CCSER1: variants seen among roughly 807,000 people sequenced by gnomAD.
The protein encoded by CCSER1 is serine-rich coiled-coil domain-containing protein 1.
A neutral mutation model predicts 82.0 loss-of-function variants in CCSER1; 41 were observed. That is an observed-to-expected ratio of 0.50 (90% confidence interval 0.39 to 0.65). The LOEUF (loss-of-function observed/expected upper bound fraction) is 0.65. CCSER1 is among the 30% of genes least tolerant of loss of function. CCSER1 has a pLI of 0.00. For missense variants in CCSER1, 1,119 were observed against 1,064.2 expected (o/e 1.05, Z -0.72); for synonymous variants, 414 against 383.9 (o/e 1.08, Z -0.92).
At chr4:91,413,810 C>T (rs751644152) in intron 10 of CCSER1, among the ~76,000 whole-genome samples, 1 of 151,966 alleles carries the variant, frequency 6.6e-6, no homozygotes, top group African/African-American at 2.4e-5. Context: ...AGACTTGTCA[C>T]ATAAAAGGGA....
At chr4:90,545,040 A>G (rs1357765009) in intron 5 of CCSER1, among the ~76,000 whole-genome samples, 1 of 151,462 alleles carries the variant, frequency 6.6e-6, no homozygotes, top group East Asian at 1.9e-4. Context: ...AAGCCTGCCA[A>G]CAATTAGCTA....
chr4:91,103,486 A>G (rs1019303678), intron 10 of CCSER1, among the ~76,000 whole-genome samples: 2 of 152,176 alleles, frequency 1.3e-5, no homozygotes, highest in African/African-American at 4.8e-5. Context: ...TATATAAACA[A>G]TTGTCTCAAT....
intron 1 of CCSER1, among the ~76,000 whole-genome samples, chr4:90,279,433 C>T (rs1728498910): frequency 6.6e-6 from 1 of 151,810 alleles, no homozygotes. Context: ...AAGAGGTAGC[C>T]ACATAGAAAT....
At chr4:90,652,978 T>C (rs903227391) in intron 6 of CCSER1, among the ~76,000 whole-genome samples, 20 of 152,182 alleles carry the variant, frequency 1.3e-4, no homozygotes, top group Non-Finnish European at 2.9e-5. Context: ...TATTAATTAA[T>C]ATGCCTCATG....
chr4:91,272,915 T>G (rs1469358019), intron 10 of CCSER1, among the ~76,000 whole-genome samples: 2 of 152,086 alleles, frequency 1.3e-5, no homozygotes, highest in African/African-American at 4.8e-5. Context: ...AAGTATTTGG[T>G]TTTATTTCTG....
At chr4:90,408,263 T>A (rs1754070036) in intron 4 of CCSER1, among the ~76,000 whole-genome samples, 1 of 152,200 alleles carries the variant, frequency 6.6e-6, no homozygotes, top group Non-Finnish European at 1.5e-5. Flanking sequence ...AATGTCCTTG[T>A]CTGACAGCTT....
intron 10 of CCSER1, among the ~76,000 whole-genome samples, chr4:91,420,524 A>T (rs1310316017): frequency 6.6e-6 from 1 of 152,070 alleles, no homozygotes; most frequent in Non-Finnish European, 1.5e-5. Flanking sequence ...GGCTTTTGTT[A>T]AAAAAACAGG....
chr4:90,415,422 C>T (rs1167163565), intron 4 of CCSER1, among the ~76,000 whole-genome samples: 1 of 152,018 alleles, frequency 6.6e-6, no homozygotes, highest in Non-Finnish European at 1.5e-5. Context: ...CTTTGTATTC[C>T]TCAAATAATT....
intron 1 of CCSER1, among the ~76,000 whole-genome samples, chr4:90,267,333 A>G (rs898979262): frequency 6.6e-6 from 1 of 152,072 alleles, no homozygotes; most frequent in Non-Finnish European, 1.5e-5. Context: ...AGTAGAACAG[A>G]GAACTAGGTA....
chr4:90,649,387 A>G (rs963570588), intron 6 of CCSER1: 3 of 152,204 alleles, frequency 2.0e-5, no homozygotes, highest in Non-Finnish European at 2.9e-5. Context: ...CTAACCTTCA[A>G]TGTGACTATG....
intron 5 of CCSER1, among the ~76,000 whole-genome samples, chr4:90,500,116 G>A (rs559332051): frequency 2.0e-4 from 30 of 151,926 alleles, no homozygotes; most frequent in Admixed American, 7.9e-4. Flanking sequence ...CGTTTGAAGG[G>A]CATATTATTC....
chr4:90,196,117 A>T (rs2153400737), intron 1 of CCSER1, among the ~76,000 whole-genome samples: 1 of 148,488 alleles, frequency 6.7e-6, no homozygotes, highest in South Asian at 2.2e-4. Context: ...TTTTTTTGCA[A>T]CTAGGTGTGG....
intron 9 of CCSER1, among the ~76,000 whole-genome samples, chr4:90,983,426 C>T (rs1382604420): frequency 6.6e-6 from 1 of 151,624 alleles, no homozygotes; most frequent in African/African-American, 2.4e-5. Flanking sequence ...GGGTAGAGAA[C>T]TGGATATGTG....
chr4:91,296,449 T>TTATATATATATATATATA (rs72475346), intron 10 of CCSER1, among the ~76,000 whole-genome samples: 47 of 94,070 alleles, frequency 5.0e-4, no homozygotes, highest in African/African-American at 2.0e-3. Flanking sequence ...GTGTCTAACA[T>TTATATATATATATATATA]TATATATATA....
chr4:91,468,865 C>T (rs1757103308), intron 10 of CCSER1, among the ~76,000 whole-genome samples: 1 of 151,978 alleles, frequency 6.6e-6, no homozygotes, highest in Non-Finnish European at 1.5e-5. Flanking sequence ...AAGCCATTGA[C>T]TCATGTCTCA....
chr4:91,163,932 T>G (rs2148984500), intron 10 of CCSER1, among the ~76,000 whole-genome samples: 1 of 152,296 alleles, frequency 6.6e-6, no homozygotes, highest in East Asian at 1.9e-4. Flanking sequence ...CATTTACATT[T>G]AAGGTTAATA....
intron 10 of CCSER1, among the ~76,000 whole-genome samples, chr4:91,570,716 C>T (rs770830608): frequency 3.9e-5 from 6 of 152,128 alleles, no homozygotes; most frequent in Non-Finnish European, 7.4e-5. Flanking sequence ...TTTTTCCCTC[C>T]TAGGCCTTTG....
Position 91,595,943 on chromosome 4 carries a change from TAAAAAA to T in CCSER1, c.2218-2610_2218-2605del, listed in dbSNP as rs1170927227. On this transcript the variant is annotated intron_variant, in intron 10 of 10. Transcript: ENST00000509176. ...ATAATAGTAAATATCACAGAGAACT[TAAAAAA>T]AAAAAAAAAAAAAAAAAACCAAGGG... Among the ~76,000 whole-genome samples the T allele has an allele frequency of 4.3e-3, 339 of 78,882 alleles. 2 individuals are homozygous for T. The highest frequency in any genetic ancestry group is 0.017 in the African/African-American group (312 of 18,890). 51.7% of individuals were successfully genotyped at this position (78,882 alleles called of 152,430 possible). A position where few individuals can be genotyped will look rare whatever the true frequency, so the allele number is the denominator to read the frequency against.
chr4:90,472,928 C>G (rs1216775077), intron 5 of CCSER1, among the ~76,000 whole-genome samples: 1 of 152,020 alleles, frequency 6.6e-6, no homozygotes, highest in Non-Finnish European at 1.5e-5. Flanking sequence ...GGTCATTATC[C>G]TAAGTGAAAT....
Sources: gnomAD v4.1 joint callset for allele counts (sites outside exome capture counted in the v4.1 genomes callset) on GRCh38, gnomAD v4.1.1 for gene constraint, MANE v1.5 for transcripts, NCBI Gene and HGNC (gene_info 2026-07-23, HGNC 2026-07-21) for gene names.